PSD3: variants seen among roughly 807,000 people sequenced by gnomAD.
PSD3 encodes pleckstrin and Sec7 domain containing 3.
A neutral mutation model predicts 105.5 loss-of-function variants in PSD3; 49 were observed. The ratio of observed to expected loss-of-function variants is 0.46; its 90% CI spans 0.37 to 0.59. PSD3 has a LOEUF of 0.59. Ranked by LOEUF, PSD3 falls within the 20% of genes least tolerant of loss-of-function variation. PSD3 has a pLI of 0.00. For synonymous variants in PSD3, 557 were observed against 457.8 expected (o/e 1.22, Z -2.77); for missense variants, 1,561 against 1,263.8 (o/e 1.24, Z -3.57).
At chr8:18,644,344 C>A (rs564013605) in intron 10 of PSD3, among the ~76,000 whole-genome samples, 5 of 152,310 alleles carry the variant, frequency 3.3e-5, no homozygotes, top group Admixed American at 1.3e-4. Context: ...CTACTTAGCT[C>A]CATCAACATT....
intron 2 of PSD3, among the ~76,000 whole-genome samples, chr8:18,927,620 T>C (rs999305621): frequency 3.9e-5 from 6 of 152,238 alleles, no homozygotes; most frequent in African/African-American, 1.4e-4. Context: ...ACTGCTGCTG[T>C]GTAGCCACTG....
chr8:18,799,610 A>G (rs2129447180), intron 7 of PSD3, among the ~76,000 whole-genome samples: 1 of 152,338 alleles, frequency 6.6e-6, no homozygotes, highest in African/African-American at 2.4e-5. Flanking sequence ...TAAAGCCTTC[A>G]AACAATGTCT....
At chr8:18,817,049 A>G (rs947403217) in intron 4 of PSD3, among the ~76,000 whole-genome samples, 2 of 152,194 alleles carry the variant, frequency 1.3e-5, no homozygotes, top group Admixed American at 6.5e-5. Flanking sequence ...GCGTTTGGTA[A>G]GTTTTAAGTG....
chr8:19,005,434 A>T (rs952127281), intron 1 of PSD3, among the ~76,000 whole-genome samples: 3 of 152,004 alleles, frequency 2.0e-5, no homozygotes, highest in African/African-American at 7.2e-5. Flanking sequence ...GATGAGGGAT[A>T]GGAGCAATGG....
intron 11 of PSD3, among the ~76,000 whole-genome samples, chr8:18,613,005 T>C (rs922353120): frequency 6.8e-6 from 1 of 147,556 alleles, no homozygotes; most frequent in African/African-American, 2.5e-5. Context: ...TGGGCTGAGG[T>C]TGGAAAACAG....
intron 1 of PSD3, among the ~76,000 whole-genome samples, chr8:19,067,532 T>C (rs998150454): frequency 6.6e-6 from 1 of 152,148 alleles, no homozygotes; most frequent in African/African-American, 2.4e-5. Context: ...CTCGAACAGC[T>C]TGTGAAAGGA....
intron 1 of PSD3, among the ~76,000 whole-genome samples, chr8:19,045,689 T>A (rs977348934): frequency 1.4e-4 from 22 of 152,182 alleles, no homozygotes; most frequent in African/African-American, 5.3e-4. Context: ...AAGGAAATCC[T>A]AGAAATGGAA....
intron 12 of PSD3, among the ~76,000 whole-genome samples, chr8:18,584,496 G>C (rs1156403861): frequency 6.6e-6 from 1 of 152,162 alleles, no homozygotes; most frequent in Admixed American, 6.5e-5. Flanking sequence ...ACTTTAGAAC[G>C]CCAGCTTTTC....
At chr8:18,750,185 G>C (rs1469725908) in intron 9 of PSD3, among the ~76,000 whole-genome samples, 2 of 152,142 alleles carry the variant, frequency 1.3e-5, no homozygotes, top group Non-Finnish European at 2.9e-5. Context: ...AACTGTGTCC[G>C]GAATTGGTGG....
chr8:18,953,316 TTG>T (rs34547370), intron 1 of PSD3, among the ~76,000 whole-genome samples: 59,360 of 151,358 alleles, frequency 0.39, 11,751 homozygotes, highest in Non-Finnish European at 0.41. Flanking sequence ...TGTGTGTATG[TTG>T]TGTGTGTGTG....
intron 15 of PSD3, among the ~76,000 whole-genome samples, chr8:18,538,687 T>G (rs1330214887): frequency 6.6e-6 from 1 of 152,220 alleles, no homozygotes; most frequent in Non-Finnish European, 1.5e-5. Context: ...GAAAAGATGA[T>G]AGGGACAGTT....
At chr8:18,819,765 G>C (rs1267603792) in intron 4 of PSD3, among the ~76,000 whole-genome samples, 2 of 151,974 alleles carry the variant, frequency 1.3e-5, no homozygotes, top group African/African-American at 4.8e-5. Flanking sequence ...GTTTAGTAGA[G>C]ATGGGGTTTC....
intron 8 of PSD3, among the ~76,000 whole-genome samples, chr8:18,767,424 T>G (rs920279891): frequency 6.6e-6 from 1 of 152,102 alleles, no homozygotes; most frequent in Non-Finnish European, 1.5e-5. Flanking sequence ...CAAAATGTAG[T>G]CCAAGTGAAT....
intron 2 of PSD3, among the ~76,000 whole-genome samples, chr8:18,912,191 G>C (rs943065354): frequency 1.6e-4 from 24 of 152,182 alleles, no homozygotes; most frequent in African/African-American, 4.3e-4. Flanking sequence ...ATGTCATAAT[G>C]AGATTAAGAT....
chr8:18,827,326 C>G (rs374297645), intron 4 of PSD3, among the ~76,000 whole-genome samples: 16 of 152,162 alleles, frequency 1.1e-4, no homozygotes, highest in African/African-American at 3.1e-4. Flanking sequence ...GTTTTCCCAG[C>G]ACCAGGGATA....
intron 9 of PSD3, among the ~76,000 whole-genome samples, chr8:18,753,905 C>T (rs892794920): frequency 6.6e-6 from 1 of 152,126 alleles, no homozygotes; most frequent in Admixed American, 6.5e-5. Flanking sequence ...TTGACTGCCT[C>T]TCTTCAAAAC....
chr8:18,817,166 C>A (rs1333575535), intron 4 of PSD3, among the ~76,000 whole-genome samples: 1 of 152,192 alleles, frequency 6.6e-6, no homozygotes, highest in East Asian at 1.9e-4. Flanking sequence ...AGTAGTCAAT[C>A]ACTTGGAAGC....
intron 9 of PSD3, among the ~76,000 whole-genome samples, chr8:18,736,414 C>T (rs188660499): frequency 6.6e-6 from 1 of 152,214 alleles, no homozygotes; most frequent in Admixed American, 6.5e-5. Flanking sequence ...TTTTTAAATG[C>T]TGGGAATTTT....
At chr8:18,951,737 C>T (rs947156181) in intron 1 of PSD3, among the ~76,000 whole-genome samples, 2 of 152,108 alleles carry the variant, frequency 1.3e-5, no homozygotes, top group Non-Finnish European at 2.9e-5. Context: ...GTAATCCCAG[C>T]ACTTTGGGAG....
Sources: gnomAD v4.1 joint callset for allele counts (sites outside exome capture counted in the v4.1 genomes callset) on GRCh38, gnomAD v4.1.1 for gene constraint, MANE v1.5 for transcripts, NCBI Gene and HGNC (gene_info 2026-07-23, HGNC 2026-07-21) for gene names.